The following ZNF148 variants were observed in gnomAD, a reference collection of about 807,000 sequenced individuals.
ZNF148 encodes Beta-Enolase Repressor Factor-1.
Under a neutral mutation model 67.7 loss-of-function variants are expected in ZNF148, and 7 were observed. The ratio of observed to expected loss-of-function variants is 0.10; its 90% CI spans 0.06 to 0.19. The LOEUF is 0.19. Among genes scored for constraint, ZNF148 ranks in the 10% least tolerant of loss-of-function variants. The pLI is 1.00. For synonymous variants in ZNF148, 333 were observed against 330.7 expected (o/e 1.01, Z -0.08); for missense variants, 583 against 947.1 (o/e 0.62, Z 5.05).
chr3:125,279,748 T>TTA (rs575659761), intron 5 of ZNF148, among the ~76,000 whole-genome samples: 1 of 147,760 alleles, frequency 6.8e-6, no homozygotes, highest in Non-Finnish European at 1.5e-5. Flanking sequence ...TTTGTTAAGT[T>TTA]AAAAAAAAAA....
At chr3:125,258,031 G>A (rs901161888) in intron 7 of ZNF148, among the ~76,000 whole-genome samples, 1 of 151,980 alleles carries the variant, frequency 6.6e-6, no homozygotes, top group Non-Finnish European at 1.5e-5. Context: ...ATTTTACTAT[G>A]GACTTTTAGA....
At chr3:125,236,545 G>C (rs558244226) in intron 7 of ZNF148, among the ~76,000 whole-genome samples, 2 of 152,116 alleles carry the variant, frequency 1.3e-5, no homozygotes, top group South Asian at 4.2e-4. Context: ...GGGTGGGGAG[G>C]GAAATAACAG....
At position 125,284,885 on chromosome 3, in the gene ZNF148, C is replaced by T. The variant is rs188765218; in HGVS notation, c.459+3218G>A. 1.8e-4 allele frequency among the ~76,000 whole-genome samples: 25 copies of T among 138,984 alleles called. No homozygotes were observed. In the Admixed American group the frequency reaches 1.9e-3, roughly 10 times the overall value. The allele number at this position is 138,984 out of a possible 152,430, so 91.2% of individuals were successfully genotyped here. A position where few individuals can be genotyped will look rare whatever the true frequency, so the allele number is the denominator to read the frequency against. ...GTGTCAAAACCTACCTTAAGATGAT[C>T]AGGCTTTCCCATTGCATTTAAGTTT... is the stretch of plus-strand genomic sequence containing the variant. On this transcript the variant is annotated intron_variant, in intron 5 of 8. Coordinates refer to ENST00000360647, the MANE Select transcript of ZNF148 (RefSeq NM_021964.3).
chr3:125,367,663 C>T (rs1462810298), intron 1 of ZNF148, among the ~76,000 whole-genome samples: 2 of 152,150 alleles, frequency 1.3e-5, no homozygotes, highest in East Asian at 3.8e-4. Context: ...TCAACAAGCT[C>T]GTGTCTACTG....
At position 125,228,655 on chromosome 3, in the gene ZNF148, C is replaced by G. The variant is rs1303458229; in HGVS notation, c.*3686G>C. 2 of 152,482 alleles carry G rather than the reference C, an allele frequency of 1.3e-5. No individual in the cohort carries two copies. Among genetic ancestry groups the G allele is most frequent in the Non-Finnish European group, 2.9e-5 (2 of 67,992 alleles). 9.4% of individuals were successfully genotyped at this position (152,482 alleles called of 1,614,324 possible). A position where few individuals can be genotyped will look rare whatever the true frequency, so the allele number is the denominator to read the frequency against. On this transcript the variant is annotated 3_prime_UTR_variant, in exon 9 of 9. Transcript: ENST00000360647. ...AAACATTACATACTTTCAGACAATA[C>G]AAATTAGCACATTGGTACTCACTTC...
intron 5 of ZNF148, among the ~76,000 whole-genome samples, chr3:125,284,635 T>G (rs1560140121): frequency 6.6e-6 from 1 of 152,094 alleles, no homozygotes; most frequent in Non-Finnish European, 1.5e-5. Flanking sequence ...TCAAATACAC[T>G]AGATTTAAAA....
At chr3:125,369,261 C>CCAAA (rs1360206822) in intron 1 of ZNF148, among the ~76,000 whole-genome samples, 7 of 12,888 alleles carry the variant, frequency 5.4e-4, no homozygotes, top group Admixed American at 1.5e-3. Flanking sequence ...GATCCTGCCT[C>CCAAA]AAAAAAAAAA....
rs142644402 is a variant in ZNF148 at position 125,278,212 on chromosome 3, T to C, written c.584-403A>G. ...CTAGTTAACCATCCATTTATGCCCT[T>C]TTACATATTTTCTTCAGAACCTTCA... On this transcript the variant is annotated intron_variant, in intron 6 of 8. Coordinates refer to ENST00000360647, the MANE Select transcript of ZNF148 (RefSeq NM_021964.3). Among the ~76,000 whole-genome samples, 1,162 of 152,222 alleles carry C rather than the reference T, an allele frequency of 7.6e-3. 56 individuals carry two copies. The highest frequency in any genetic ancestry group is 0.071 in the Admixed American group (1,088 of 15,284).
At chr3:125,279,346 A>G (rs1009029754) in intron 5 of ZNF148, 99 bp from the exon 6 acceptor site, 13 of 939,964 alleles carry the variant, frequency 1.4e-5, no homozygotes, top group Non-Finnish European at 1.6e-5. Flanking sequence ...AACGGTCACC[A>G]CAGATTATGA....
intron 1 of ZNF148, among the ~76,000 whole-genome samples, chr3:125,348,332 A>G (rs1472149100): frequency 6.6e-6 from 1 of 151,948 alleles, no homozygotes. Context: ...TGTCACAAGA[A>G]AAGTCTAGTG....
At chr3:125,355,306 T>C (rs1173024687) in intron 1 of ZNF148, among the ~76,000 whole-genome samples, 2 of 152,210 alleles carry the variant, frequency 1.3e-5, no homozygotes, top group Non-Finnish European at 2.9e-5. Context: ...ATCAGGGTTT[T>C]GTCAACATCA....
rs538956642 is a variant in ZNF148, at chr3:125,228,384, G to A, written c.*3957C>T. On this transcript the variant is annotated 3_prime_UTR_variant, in exon 9 of 9. Coordinates refer to ENST00000360647, the MANE Select transcript of ZNF148 (RefSeq NM_021964.3). Reference sequence around the variant, plus strand: ...ACTTCAATTATGCTGTGTAAACAGTGTTACGTTCCAATAGGAGGAACAATG... The same window carrying A: ...ACTTCAATTATGCTGTGTAAACAGTATTACGTTCCAATAGGAGGAACAATG... 6.5e-6 allele frequency: 1 copy of A among 152,686 alleles called. No homozygotes were observed. Among genetic ancestry groups the A allele is most frequent in the Admixed American group, 6.5e-5 (1 of 15,284 alleles). The allele number at this position is 152,686 out of a possible 1,614,324, so 9.5% of individuals were successfully genotyped here. A position where few individuals can be genotyped will look rare whatever the true frequency, so the allele number is the denominator to read the frequency against.
chr3:125,336,973 C>A (rs1169132454), intron 1 of ZNF148, among the ~76,000 whole-genome samples: 1 of 150,088 alleles, frequency 6.7e-6, no homozygotes, highest in Non-Finnish European at 1.5e-5. Context: ...CCGCACCCAG[C>A]CAGCAATCAC....
intron 7 of ZNF148, among the ~76,000 whole-genome samples, chr3:125,235,562 C>T (rs1050328864): frequency 2.0e-5 from 3 of 152,128 alleles, no homozygotes; most frequent in African/African-American, 4.8e-5. Context: ...TAAGTTTCCA[C>T]AGAATTCTAT....
At chr3:125,339,136 C>T (rs1444021343) in intron 1 of ZNF148, among the ~76,000 whole-genome samples, 1 of 152,150 alleles carries the variant, frequency 6.6e-6, no homozygotes, top group Non-Finnish European at 1.5e-5. Context: ...CCTCAGCCTC[C>T]CAAGTTGCTG....
intron 3 of ZNF148, among the ~76,000 whole-genome samples, chr3:125,314,299 T>C (rs1940379867): frequency 1.3e-5 from 2 of 152,208 alleles, no homozygotes; most frequent in South Asian, 2.1e-4. Flanking sequence ...GCTATAAAAA[T>C]GTACATATTC....
chr3:125,354,072 C>T (rs1942257201), intron 1 of ZNF148, among the ~76,000 whole-genome samples: 1 of 151,822 alleles, frequency 6.6e-6, no homozygotes, highest in African/African-American at 2.4e-5. Context: ...AGCCATATAC[C>T]AAAATATTAA....
In ZNF148 at chr3:125,279,078, G is replaced by T. The variant is rs370945863; in HGVS notation, c.583+46C>A. On this transcript the variant is annotated intron_variant, in intron 6 of 8. Transcript: ENST00000360647. Reference sequence around the variant, plus strand: ...GTTACACGAAGATGAAAATAACAAAGATAATAACTTTAATGGCCACAAGCC... The same window carrying T: ...GTTACACGAAGATGAAAATAACAAATATAATAACTTTAATGGCCACAAGCC... 9.2e-6 allele frequency: 14 copies of T among 1,526,022 alleles called. No individual in the cohort carries two copies. The African/African-American group carries it at 1.7e-4, about 18-fold the overall frequency. 94.5% of individuals were successfully genotyped at this position (1,526,022 alleles called of 1,614,324 possible).
At chr3:125,291,008 G>GT (rs1469666494) in intron 4 of ZNF148, among the ~76,000 whole-genome samples, 6 of 152,102 alleles carry the variant, frequency 3.9e-5, no homozygotes, top group Non-Finnish European at 4.4e-5. Flanking sequence ...AATAAGCGAT[G>GT]TAACAAATAT....
Sources: allele counts gnomAD v4.1 joint callset (sites outside exome capture counted in the v4.1 genomes callset), GRCh38; gene constraint gnomAD v4.1.1; transcripts MANE v1.5; gene names NCBI Gene and HGNC (gene_info 2026-07-23, HGNC 2026-07-21).